The following PREP variants were observed in gnomAD, a reference collection of about 807,000 sequenced individuals.
PREP encodes dJ355L5.1 (prolyl endopeptidase).
A neutral mutation model predicts 87.6 loss-of-function variants in PREP; 29 were observed. The ratio of observed to expected loss-of-function variants is 0.33; its 90% confidence interval spans 0.25 to 0.45. The LOEUF (loss-of-function observed/expected upper bound fraction) is 0.45. Among genes scored for constraint, PREP ranks in the 20% least tolerant of loss-of-function variants. The pLI, the probability that PREP is intolerant of heterozygous loss-of-function variation, is 1.00. For synonymous variants in PREP, 337 were observed against 328.6 expected, an observed-to-expected ratio of 1.03 and a Z score of -0.28; for missense variants, 695 against 886.5, an observed-to-expected ratio of 0.78 and a Z score of 2.74.
At chr6:105,373,701 G>T in intron 4 of PREP, 123 bp from the exon 5 acceptor site, 1 of 990,842 alleles carries the variant, frequency 1.0e-6, no homozygotes, top group Non-Finnish European at 1.5e-6. Flanking sequence ...AAAGGAATAG[G>T]AATCTGGTAG....
At chr6:105,314,798 T>C (rs1010467507) in intron 10 of PREP, among the ~76,000 whole-genome samples, 9 of 152,184 alleles carry the variant, frequency 5.9e-5, no homozygotes, top group African/African-American at 2.2e-4. Context: ...CCTCATGGCA[T>C]CTAGAATGGT....
Position 105,377,299 on chromosome 6 carries a change from G to C in PREP, c.254+87C>G, listed in dbSNP as rs769725462. 50 of 1,402,560 alleles carry C rather than the reference G, an allele frequency of 3.6e-5. 1 individual carries two copies. In the Middle Eastern group the frequency reaches 2.8e-3, roughly 79 times the overall value. 86.9% of individuals were successfully genotyped at this position (1,402,560 alleles called of 1,614,324 possible). ...CTTATAATGAATTAATCTTATACAA[G>C]GACAAGTTATCTGGAATTTGTATTT... is the stretch of plus-strand genomic sequence containing the variant. On this transcript the variant is annotated intron_variant, in intron 3 of 14. Coordinates refer to ENST00000652536, the MANE Select transcript of PREP (RefSeq NM_002726.5).
intron 9 of PREP, 66 bp downstream of exon 9, chr6:105,328,763 T>TC (rs1012367586): frequency 1.3e-6 from 2 of 1,527,868 alleles, no homozygotes; most frequent in African/African-American, 1.4e-5. Flanking sequence ...TACTTCCATT[T>TC]CCCCAAAGAA....
chr6:105,314,956 A>G (rs1467130877), intron 10 of PREP, among the ~76,000 whole-genome samples: 1 of 152,166 alleles, frequency 6.6e-6, no homozygotes, highest in Non-Finnish European at 1.5e-5. Flanking sequence ...CACAACATTC[A>G]TCTCTTTGTA....
chr6:105,380,890 C>T (rs1255597208), intron 2 of PREP, among the ~76,000 whole-genome samples: 2 of 152,190 alleles, frequency 1.3e-5, no homozygotes, highest in African/African-American at 4.8e-5. Flanking sequence ...TTGCTCAGTT[C>T]ATTTTCCTTG....
rs1769948173 is a variant in PREP at position 105,277,008 on chromosome 6, A to T, written c.*1136T>A. On this transcript the variant is annotated 3_prime_UTR_variant, in exon 15 of 15. Transcript: ENST00000652536. ...CTGATAAAGCAAGACAAAGGAAAAA[A>T]AACTGTTTTAAGTTAGATCAGCATT... 6.6e-6 allele frequency among the ~76,000 whole-genome samples: 1 copy of T among 152,144 alleles called. No individual in the cohort carries two copies. The highest frequency in any genetic ancestry group is 6.5e-5 in the Admixed American group (1 of 15,282).
At chr6:105,375,602 C>T (rs1196842769) in intron 4 of PREP, among the ~76,000 whole-genome samples, 1 of 152,160 alleles carries the variant, frequency 6.6e-6, no homozygotes, top group Non-Finnish European at 1.5e-5. Flanking sequence ...AACAGGATAC[C>T]CAGCTGTTCA....
chr6:105,354,343 T>C (rs2114685832), intron 6 of PREP, among the ~76,000 whole-genome samples: 1 of 152,290 alleles, frequency 6.6e-6, no homozygotes, highest in Middle Eastern at 3.4e-3. Context: ...ATATTCAACT[T>C]TATGAGATGT....
intron 7 of PREP, among the ~76,000 whole-genome samples, chr6:105,351,581 G>A (rs1042493715): frequency 6.6e-6 from 1 of 152,142 alleles, no homozygotes; most frequent in Non-Finnish European, 1.5e-5. Context: ...ATATTATTAC[G>A]CCTTATTAAA....
In PREP at chr6:105,402,972, G is replaced by A. The variant is rs938113260; in HGVS notation, c.-81C>T. ...GAGCTAGCCGGGCTGGCCGCGAGGC[G>A]CGGCTGGGGCGCAGGCAGCTGCGGG... On this transcript the variant is annotated 5_prime_UTR_variant, in exon 1 of 15. Coordinates refer to ENST00000652536, the MANE Select transcript of PREP (RefSeq NM_002726.5). The A allele has an allele frequency of 9.8e-6, 7 of 711,350 alleles. No homozygotes were observed. The African/African-American group carries it at 1.1e-4, about 11-fold the overall frequency. The allele number at this position is 711,350 out of a possible 1,614,324, so 44.1% of individuals were successfully genotyped here.
intron 11 of PREP, among the ~76,000 whole-genome samples, chr6:105,286,891 C>T (rs545504615): frequency 0.016 from 1 of 62 alleles, no homozygotes; most frequent in East Asian, 0.17. Context: ...CCAACAGGAT[C>T]CACTCAGGAA....
rs114072011 is a variant in PREP, at chr6:105,332,715, C to G, written c.1015+599G>C. ...ATAAATAATTTATAAAGCAGCATAT[C>G]ATTTTTGGAAAAATCACAGAGAATG... On this transcript the variant is annotated intron_variant, in intron 8 of 14. Transcript: ENST00000652536. Among the ~76,000 whole-genome samples, 739 of 152,250 alleles carry G rather than the reference C, an allele frequency of 4.9e-3. 9 individuals are homozygous for G. The highest frequency in any genetic ancestry group is 0.017 in the African/African-American group (697 of 41,546).
chr6:105,316,837 A>G (rs1770883204), intron 10 of PREP, among the ~76,000 whole-genome samples: 1 of 152,114 alleles, frequency 6.6e-6, no homozygotes, highest in African/African-American at 2.4e-5. Context: ...TACACTGAGT[A>G]TTGTTATCTA....
intron 8 of PREP, among the ~76,000 whole-genome samples, chr6:105,332,839 G>A (rs1161987519): frequency 1.3e-5 from 2 of 152,178 alleles, no homozygotes; most frequent in Non-Finnish European, 2.9e-5. Flanking sequence ...CAGCAACTGC[G>A]AAGGGTTTCA....
rs548517539 is a variant in PREP at position 105,289,726 on chromosome 6, C to T, written c.1318-832G>A. ...ATGCTTTTTTTCCCAAAAGGAAAAGCTGTGAATAGCTTTCTCTTTGTGTAA... is the reference window on the plus strand; with the variant it reads ...ATGCTTTTTTTCCCAAAAGGAAAAGTTGTGAATAGCTTTCTCTTTGTGTAA... On this transcript the variant is annotated intron_variant, in intron 10 of 14. Transcript: ENST00000652536. Among the ~76,000 whole-genome samples, 133 of 152,226 alleles carry T rather than the reference C, an allele frequency of 8.7e-4. 2 individuals are homozygous for T. The highest frequency in any genetic ancestry group is 8.4e-4 in the Non-Finnish European group (57 of 68,008).
chr6:105,352,358 A>G (rs948543923), intron 7 of PREP, among the ~76,000 whole-genome samples: 3 of 152,156 alleles, frequency 2.0e-5, no homozygotes, highest in Non-Finnish European at 4.4e-5. Context: ...CAGAATTTGT[A>G]ACTGGCTGGT....
At chr6:105,393,455 T>C (rs998344537) in intron 2 of PREP, among the ~76,000 whole-genome samples, 8 of 152,174 alleles carry the variant, frequency 5.3e-5, no homozygotes, top group African/African-American at 1.2e-4. Context: ...AAGGCCCATA[T>C]TGCTATTTTA....
At chr6:105,282,680 G>A in intron 12 of PREP, 98 bp from the exon 13 acceptor site, 2 of 1,376,718 alleles carry the variant, frequency 1.5e-6, no homozygotes, top group Non-Finnish European at 9.9e-7. Context: ...TTCAAATACT[G>A]ATTAACTTAA....
intron 10 of PREP, among the ~76,000 whole-genome samples, chr6:105,294,699 A>AC (rs1390983771): frequency 6.6e-6 from 1 of 152,022 alleles, no homozygotes; most frequent in Non-Finnish European, 1.5e-5. Context: ...CTCACCCATC[A>AC]CCTTGGTTAT....
Sources: allele counts gnomAD v4.1 joint callset (sites outside exome capture counted in the v4.1 genomes callset), GRCh38; gene constraint gnomAD v4.1.1; transcripts MANE v1.5; gene names NCBI Gene and HGNC (gene_info 2026-07-23, HGNC 2026-07-21).